The following LSP1 variants were observed in gnomAD, a reference collection of about 807,000 sequenced individuals.
The protein encoded by LSP1 is lymphocyte-specific protein 1.
LSP1 carries 32 observed loss-of-function variants against 49.3 expected under a neutral mutation model. The observed-to-expected ratio is 0.65, with a 90% CI of 0.49 to 0.87. LSP1 has a LOEUF of 0.87. Among genes scored for constraint, LSP1 ranks in the 40% least tolerant of loss-of-function variants. The probability of loss-of-function intolerance (pLI) is 0.00; values close to 1 mark genes in which losing one functional copy is unlikely to be tolerated. For missense variants in LSP1, 428 were observed against 442.6 expected, an observed-to-expected ratio of 0.97 and a Z score of 0.30; for synonymous variants, 179 against 178.8, an observed-to-expected ratio of 1.00 and a Z score of -0.01.
intron 7 of LSP1, among the ~76,000 whole-genome samples, 186 bp from the exon 8 acceptor site, chr11:1,886,546 G>A (rs1848758236): frequency 1.3e-5 from 2 of 152,248 alleles, no homozygotes; most frequent in Non-Finnish European, 1.5e-5. Context: ...GGACAGGGAG[G>A]TGTCTCACAA....
chr11:1,890,874 C>T (rs1334841316), intron 10 of LSP1: 4 of 442,412 alleles, frequency 9.0e-6, no homozygotes, highest in African/African-American at 7.8e-5. Flanking sequence ...TCCTCCATGC[C>T]ACCCCAGCAC....
intron 2 of LSP1, 111 bp from the exon 3 acceptor site, chr11:1,881,321 G>T (rs1848528487): frequency 6.5e-6 from 7 of 1,084,124 alleles, no homozygotes; most frequent in Non-Finnish European, 7.8e-6. Context: ...GGCAGACAGG[G>T]TCTCCCACAC....
intron 1 of LSP1, chr11:1,868,658 G>T: frequency 1.0e-6 from 1 of 985,556 alleles, no homozygotes; most frequent in Non-Finnish European, 1.2e-6. Context: ...GGGTGGGGTA[G>T]CCCCCGCCCT....
intron 1 of LSP1, chr11:1,865,179 G>A (rs867585771): frequency 4.5e-5 from 44 of 985,790 alleles, no homozygotes; most frequent in Middle Eastern, 5.2e-4. Flanking sequence ...AGGCCAGGTC[G>A]CCGCCTGAGC....
intron 1 of LSP1, among the ~76,000 whole-genome samples, chr11:1,862,902 C>T (rs1231723041): frequency 2.6e-5 from 4 of 152,174 alleles, no homozygotes; most frequent in African/African-American, 9.7e-5. Context: ...TGGCTACCAT[C>T]CCTCCTGCTT....
intron 1 of LSP1, chr11:1,870,446 G>T: frequency 8.3e-7 from 1 of 1,202,634 alleles, no homozygotes; most frequent in Non-Finnish European, 1.1e-6. Context: ...AGTCTGGGAG[G>T]GGCTGGTCAG....
At chr11:1,870,350 G>A (rs974243687) in intron 1 of LSP1, 47 of 1,274,046 alleles carry the variant, frequency 3.7e-5, no homozygotes, top group Admixed American at 4.8e-5. Context: ...GACATACACC[G>A]GGGAGTCTCC....
At chr11:1,891,187 A>G (rs1848987163) in intron 10 of LSP1, 1 of 153,800 alleles carries the variant, frequency 6.5e-6, no homozygotes, top group Admixed American at 6.4e-5. Context: ...TCGCTGAGCT[A>G]TGCTAAATGG....
In LSP1 at chr11:1,882,083, C is replaced by T. The variant is rs566569769; in HGVS notation, c.356+487C>T. Among the ~76,000 whole-genome samples the T allele has an allele frequency of 2.8e-3, 427 of 152,276 alleles. 3 individuals are homozygous for T. The highest frequency in any genetic ancestry group is 9.9e-3 in the African/African-American group (410 of 41,558). On this transcript the variant is annotated intron_variant, in intron 3 of 10. Coordinates refer to ENST00000311604, the MANE Select transcript of LSP1 (RefSeq NM_002339.3). Reference sequence around the variant, plus strand: ...AGCAGGTATTTCCAGATGTGCATGCCGGAGAGTCGGCCGGGAGGACGCACT... The same window carrying T: ...AGCAGGTATTTCCAGATGTGCATGCTGGAGAGTCGGCCGGGAGGACGCACT...
At chr11:1,862,239 T>C (rs1847661457) in intron 1 of LSP1, among the ~76,000 whole-genome samples, 2 of 152,164 alleles carry the variant, frequency 1.3e-5, no homozygotes. Context: ...CACATAACAG[T>C]GGAGTTGACA....
Position 1,883,915 on chromosome 11 carries a change from TG to T in LSP1, c.499-16del. The T allele has an allele frequency of 6.4e-7, 1 of 1,564,044 alleles. No individual in the cohort carries two copies. The stretch of plus-strand genomic sequence containing the variant: ...CAAGCAGGGGGTCACTTGGGATGTC[TG>T]TTTTTTTTTTTCTAGCACCAGAAAT... On this transcript the variant is annotated splice_polypyrimidine_tract_variant and intron_variant, in intron 4 of 10. Transcript: ENST00000311604.
intron 1 of LSP1, among the ~76,000 whole-genome samples, chr11:1,862,319 C>T (rs1275024653): frequency 6.6e-6 from 1 of 152,222 alleles, no homozygotes; most frequent in East Asian, 1.9e-4. Flanking sequence ...TTGGCCGCTA[C>T]ATGTAAATAT....
intron 2 of LSP1, 130 bp downstream of exon 2, chr11:1,880,354 A>C (rs953866699): frequency 2.5e-6 from 3 of 1,181,416 alleles, no homozygotes; most frequent in Non-Finnish European, 3.4e-6. Context: ...AAGGGCCCCC[A>C]GGAGCAGGCG....
intron 1 of LSP1, among the ~76,000 whole-genome samples, chr11:1,878,335 A>G (rs1848396741): frequency 6.6e-6 from 1 of 152,214 alleles, no homozygotes; most frequent in South Asian, 2.1e-4. Context: ...AGCAGCCCCC[A>G]GCCATGCGGA....
intron 2 of LSP1, 168 bp from the exon 3 acceptor site, chr11:1,881,264 C>T (rs889093627): frequency 4.2e-5 from 26 of 623,912 alleles, no homozygotes; most frequent in Non-Finnish European, 6.4e-5. Context: ...ATAGCCCTGC[C>T]CTCAGGTATT....
intron 1 of LSP1, among the ~76,000 whole-genome samples, chr11:1,871,591 C>T (rs1329651965): frequency 1.3e-5 from 2 of 152,206 alleles, no homozygotes; most frequent in South Asian, 2.1e-4. Context: ...CCAAGGCTTG[C>T]GGCTCTGCGG....
intron 1 of LSP1, among the ~76,000 whole-genome samples, chr11:1,855,290 C>A (rs1359570452): frequency 6.6e-6 from 1 of 152,196 alleles, no homozygotes; most frequent in Admixed American, 6.5e-5. Context: ...GGGAAGCCCC[C>A]ACACGGGAGT....
chr11:1,882,455 C>T (rs1565085885), intron 3 of LSP1, among the ~76,000 whole-genome samples: 1 of 152,186 alleles, frequency 6.6e-6, no homozygotes, highest in African/African-American at 2.4e-5. Context: ...GCTCCCACTC[C>T]CCAAGAACCA....
chr11:1,882,594 T>A (rs1312388341), intron 3 of LSP1, among the ~76,000 whole-genome samples: 2 of 151,962 alleles, frequency 1.3e-5, no homozygotes, highest in African/African-American at 4.8e-5. Flanking sequence ...GCCTCAGGCC[T>A]AGGCGGGCGA....
Sources: allele counts gnomAD v4.1 joint callset (sites outside exome capture counted in the v4.1 genomes callset), GRCh38; gene constraint gnomAD v4.1.1; transcripts MANE v1.5; gene names NCBI Gene and HGNC (gene_info 2026-07-23, HGNC 2026-07-21).